CSRNP3: variants seen among roughly 807,000 people sequenced by gnomAD.
The protein encoded by CSRNP3 is cysteine/serine-rich nuclear protein 3.
In CSRNP3, 12 loss-of-function variants were observed where a neutral mutation model predicts 48.0. The ratio of observed to expected loss-of-function variants is 0.25; its 90% confidence interval spans 0.16 to 0.41. CSRNP3 has a LOEUF of 0.41. Among genes scored for constraint, CSRNP3 ranks in the 10% least tolerant of loss-of-function variants. CSRNP3 has a pLI of 1.00. For missense variants in CSRNP3, 580 were observed against 724.4 expected, an observed-to-expected ratio of 0.80 and a Z score of 2.29; for synonymous variants, 263 against 269.7, an observed-to-expected ratio of 0.98 and a Z score of 0.24.
chr2:165,679,302 A>G lies in CSRNP3; in HGVS notation c.1307A>G (p.Tyr436Cys), dbSNP rs999648866. The G allele has an allele frequency of 6.2e-7, 1 of 1,613,898 alleles. No individual in the cohort carries two copies. Among genetic ancestry groups the G allele is most frequent in the Non-Finnish European group, 8.5e-7 (1 of 1,179,932 alleles). The change falls in exon 7 of 7, where the codon TAT (tyrosine) becomes TGT (cysteine). Residue 436 changes from tyrosine (Y) to cysteine (C), a missense_variant. Physicochemically the swap from Tyr to Cys is radical, Grantham distance 194. Coordinates refer to ENST00000651982, the MANE Select transcript of CSRNP3 (RefSeq NM_001172173.2). ...TTTTATGCCAACTCTTCAACTCTGT[A>G]TTACCAAATAGATAGCCACATTCCA... ...ASFYANSSTL[Y>C]YQIDSHIPGT... is the part of the protein sequence containing the mutation.
chr2:165,620,203 G>A (rs556180299), intron 4 of CSRNP3, among the ~76,000 whole-genome samples: 2 of 152,176 alleles, frequency 1.3e-5, no homozygotes, highest in African/African-American at 4.8e-5. Flanking sequence ...CAGAGCTTAT[G>A]TCCATATAAA....
intron 3 of CSRNP3, among the ~76,000 whole-genome samples, chr2:165,552,476 T>G (rs1400320366): frequency 6.6e-6 from 1 of 152,106 alleles, no homozygotes; most frequent in Admixed American, 6.6e-5. Context: ...AATAGGATAA[T>G]AAAAGTTAAA....
chr2:165,649,072 A>G (rs1311279681), intron 4 of CSRNP3, among the ~76,000 whole-genome samples: 2 of 152,188 alleles, frequency 1.3e-5, no homozygotes, highest in Non-Finnish European at 2.9e-5. Context: ...ACGACGTGAC[A>G]TGCATGTTCA....
At chr2:165,631,619 CA>C (rs1168273975) in intron 4 of CSRNP3, among the ~76,000 whole-genome samples, 1 of 152,022 alleles carries the variant, frequency 6.6e-6, no homozygotes, top group Non-Finnish European at 1.5e-5. Context: ...TTAGAAGAGG[CA>C]GAAGTGGAAA....
chr2:165,580,859 G>GTT (rs1230416435), intron 3 of CSRNP3, among the ~76,000 whole-genome samples: 1 of 128,174 alleles, frequency 7.8e-6, no homozygotes. Flanking sequence ...ATCCATGTGT[G>GTT]TTTTGTTTTT....
chr2:165,554,153 A>AT (rs565077749), intron 3 of CSRNP3, among the ~76,000 whole-genome samples: 6 of 151,888 alleles, frequency 4.0e-5, no homozygotes, highest in Non-Finnish European at 8.8e-5. Flanking sequence ...GCTACTCCTC[A>AT]TTTTTTTAAG....
chr2:165,516,879 AT>A (rs1280197443), intron 2 of CSRNP3, among the ~76,000 whole-genome samples: 1 of 152,032 alleles, frequency 6.6e-6, no homozygotes, highest in African/African-American at 2.4e-5. Flanking sequence ...CCTGAGACAA[AT>A]TTTTTTCTTA....
At chr2:165,673,768 C>A (rs2105361185) in intron 5 of CSRNP3, among the ~76,000 whole-genome samples, 1 of 152,192 alleles carries the variant, frequency 6.6e-6, no homozygotes, top group South Asian at 2.1e-4. Flanking sequence ...TGCATGTAAT[C>A]CCAGCACTTT....
At chr2:165,673,699 T>C (rs946020468) in intron 5 of CSRNP3, among the ~76,000 whole-genome samples, 2 of 152,186 alleles carry the variant, frequency 1.3e-5, no homozygotes, top group Admixed American at 6.5e-5. Context: ...TATTATCTGA[T>C]AACAACCATT....
At chr2:165,525,526 G>A (rs1197863488) in intron 3 of CSRNP3, among the ~76,000 whole-genome samples, 12 of 138,508 alleles carry the variant, frequency 8.7e-5, no homozygotes, top group African/African-American at 2.5e-4. Context: ...TTGCTCTGTC[G>A]TCCAGGCTGG....
intron 3 of CSRNP3, among the ~76,000 whole-genome samples, chr2:165,567,546 G>A (rs907630287): frequency 8.5e-5 from 13 of 152,050 alleles, no homozygotes; most frequent in African/African-American, 3.1e-4. Flanking sequence ...GCTAACATCT[G>A]CTGCTTTGGT....
At chr2:165,540,034 G>A (rs1478364239) in intron 3 of CSRNP3, among the ~76,000 whole-genome samples, 8 of 152,016 alleles carry the variant, frequency 5.3e-5, no homozygotes, top group African/African-American at 1.7e-4. Context: ...TTGACCTGTA[G>A]TCCATCCCCA....
At chr2:165,666,137 GGAAGGAAA>G (rs1232426335) in intron 5 of CSRNP3, among the ~76,000 whole-genome samples, 1 of 122,126 alleles carries the variant, frequency 8.2e-6, no homozygotes, top group South Asian at 2.8e-4. Flanking sequence ...AAGGAAGGAA[GGAAGGAAA>G]GAGAGAGGAA....
intron 1 of CSRNP3, among the ~76,000 whole-genome samples, chr2:165,473,832 A>G (rs1282764780): frequency 6.6e-6 from 1 of 152,196 alleles, no homozygotes; most frequent in African/African-American, 2.4e-5. Context: ...TTGAATATGC[A>G]TGCCCTGAGA....
intron 3 of CSRNP3, among the ~76,000 whole-genome samples, chr2:165,592,382 G>A (rs1414205271): frequency 2.6e-5 from 4 of 152,148 alleles, no homozygotes; most frequent in African/African-American, 9.7e-5. Flanking sequence ...GTTGGACTTC[G>A]ACTTTTGGGT....
At chr2:165,623,458 C>T (rs1214711237) in intron 4 of CSRNP3, among the ~76,000 whole-genome samples, 2 of 152,104 alleles carry the variant, frequency 1.3e-5, no homozygotes, top group African/African-American at 2.4e-5. Context: ...CTCCCCAGTC[C>T]GTGGAAAAAT....
In CSRNP3 at chr2:165,626,521, G is replaced by A. The variant is rs140740371; in HGVS notation, c.149-31240G>A. Among the ~76,000 whole-genome samples, 6 of 152,146 alleles carry A rather than the reference G, an allele frequency of 3.9e-5. No homozygotes were observed. The South Asian group carries it at 6.2e-4, about 16-fold the overall frequency. On this transcript the variant is annotated intron_variant, in intron 4 of 6. Transcript: ENST00000651982. The stretch of plus-strand genomic sequence containing the variant: ...CCCTTCAAAGTACTGCTAACATTCC[G>A]TATTTCCTTGTCCAAAGCATGAGAT...
chr2:165,582,469 A>G (rs926013448), intron 3 of CSRNP3, among the ~76,000 whole-genome samples: 2 of 152,176 alleles, frequency 1.3e-5, no homozygotes, highest in African/African-American at 4.8e-5. Flanking sequence ...GTGGCAGCCA[A>G]GACGACAGTG....
rs1392958411 is a variant in CSRNP3 at position 165,680,098 on chromosome 2, C to G, written c.*345C>G. ...TATCGGGCCTGTGCAAGATTGTTAA[C>G]TAAGGCTGGGAAATAATAAGATTTA... On this transcript the variant is annotated 3_prime_UTR_variant, in exon 7 of 7. Coordinates refer to ENST00000651982, the MANE Select transcript of CSRNP3 (RefSeq NM_001172173.2). 4.8e-6 allele frequency: 1 copy of G among 206,836 alleles called. No homozygotes were observed. The highest frequency in any genetic ancestry group is 2.3e-5 in the African/African-American group (1 of 43,460). The allele number at this position is 206,836 out of a possible 1,614,324, so 12.8% of individuals were successfully genotyped here. A position where few individuals can be genotyped will look rare whatever the true frequency, so the allele number is the denominator to read the frequency against.
Sources: gnomAD v4.1 joint callset for allele counts (sites outside exome capture counted in the v4.1 genomes callset) on GRCh38, gnomAD v4.1.1 for gene constraint, MANE v1.5 for transcripts, NCBI Gene and HGNC (gene_info 2026-07-23, HGNC 2026-07-21) for gene names.